CATSPERD: variants seen among roughly 807,000 people sequenced by gnomAD.
CATSPERD encodes cation channel sperm-associated auxiliary subunit delta.
Under a neutral mutation model 98.1 loss-of-function variants are expected in CATSPERD, and 86 were observed. The observed-to-expected ratio is 0.88, with a 90% confidence interval of 0.74 to 1.05. The LOEUF (loss-of-function observed/expected upper bound fraction) is 1.05. Ranked by LOEUF, CATSPERD falls within the 50% of genes least tolerant of loss-of-function variation. The probability of loss-of-function intolerance (pLI) is 0.00; values close to 1 mark genes in which losing one functional copy is unlikely to be tolerated. For synonymous variants in CATSPERD, 394 were observed against 390.2 expected (o/e 1.01, Z -0.12); for missense variants, 995 against 1,005.7 (o/e 0.99, Z 0.14).
intron 11 of CATSPERD, among the ~76,000 whole-genome samples, 165 bp from the exon 12 acceptor site, chr19:5,751,482 C>A (rs1355193696): frequency 2.5e-5 from 3 of 118,902 alleles, no homozygotes; most frequent in Non-Finnish European, 4.9e-5. Flanking sequence ...TGCAGTGAAC[C>A]GAGATGGCGC....
At chr19:5,772,753 TC>T in intron 19 of CATSPERD, 34 bp from the exon 20 acceptor site, 1 of 1,597,626 alleles carries the variant, frequency 6.3e-7, no homozygotes, top group South Asian at 1.1e-5. Context: ...TTGTCCCTGC[TC>T]CCTGCACAGC....
At chr19:5,774,195 T>C (rs1209392137) in intron 20 of CATSPERD, among the ~76,000 whole-genome samples, 2 of 151,618 alleles carry the variant, frequency 1.3e-5, no homozygotes, top group African/African-American at 2.4e-5. Context: ...CTTGAACTCC[T>C]GACCTTGTGA....
At chr19:5,742,286 G>T (rs1221677051) in intron 7 of CATSPERD, among the ~76,000 whole-genome samples, 1 of 125,968 alleles carries the variant, frequency 7.9e-6, no homozygotes, top group East Asian at 2.0e-4. Flanking sequence ...GTACGTGTGT[G>T]TGCGTGTGTA....
At chr19:5,769,022 T>C (rs865865009) in intron 18 of CATSPERD, among the ~76,000 whole-genome samples, 1 of 151,500 alleles carries the variant, frequency 6.6e-6, no homozygotes, top group African/African-American at 2.4e-5. Flanking sequence ...GGCATGGTGG[T>C]GGGCACCTGT....
At chr19:5,742,611 C>T (rs558764781) in intron 7 of CATSPERD, among the ~76,000 whole-genome samples, 1 of 151,672 alleles carries the variant, frequency 6.6e-6, no homozygotes, top group South Asian at 2.1e-4. Context: ...GTGAGACCCA[C>T]CCCCCACCAT....
Position 5,749,952 on chromosome 19 carries a change from T to C in CATSPERD, c.987+769T>C, listed in dbSNP as rs184688393. On this transcript the variant is annotated intron_variant, in intron 11 of 21. Transcript: ENST00000381624. ...CCGAGTAGCTGGGATTACAGGCGCA[T>C]GCCACCACACCAGGCTAAGTTTTGT... is the stretch of plus-strand genomic sequence containing the variant. Among the ~76,000 whole-genome samples, 1,044 of 151,186 alleles carry C rather than the reference T, an allele frequency of 6.9e-3. 8 individuals carry two copies. The highest frequency in any genetic ancestry group is 0.012 in the Non-Finnish European group (787 of 67,808).
At chr19:5,758,904 A>G (rs2056379051) in intron 14 of CATSPERD, among the ~76,000 whole-genome samples, 182 bp from the exon 15 acceptor site, 1 of 148,124 alleles carries the variant, frequency 6.8e-6, no homozygotes, top group Admixed American at 6.8e-5. Context: ...AGCCTGGGCA[A>G]CAGAGAGAGA....
intron 13 of CATSPERD, among the ~76,000 whole-genome samples, chr19:5,757,095 C>T (rs1486959096): frequency 6.6e-6 from 1 of 151,728 alleles, no homozygotes; most frequent in African/African-American, 2.4e-5. Context: ...GCTAAAAATA[C>T]AAAAATTAGC....
intron 20 of CATSPERD, among the ~76,000 whole-genome samples, chr19:5,773,920 G>C (rs1232411844): frequency 1.3e-5 from 2 of 151,282 alleles, no homozygotes; most frequent in African/African-American, 4.9e-5. Context: ...TGCAGTGCAT[G>C]CAGCAAAGCC....
intron 15 of CATSPERD, among the ~76,000 whole-genome samples, chr19:5,762,421 C>T (rs2056458567): frequency 6.6e-6 from 1 of 151,972 alleles, no homozygotes; most frequent in African/African-American, 2.4e-5. Flanking sequence ...ACAAGAACAC[C>T]AAGGGGGAAA....
At chr19:5,752,303 C>T (rs544983950) in intron 12 of CATSPERD, among the ~76,000 whole-genome samples, 18 of 151,148 alleles carry the variant, frequency 1.2e-4, no homozygotes, top group African/African-American at 4.1e-4. Context: ...AGCGAGACTT[C>T]GTCTCAAATA....
chr19:5,761,416 AATGG>A (rs550185518), intron 15 of CATSPERD, among the ~76,000 whole-genome samples: 10 of 19,814 alleles, frequency 5.0e-4, no homozygotes, highest in Non-Finnish European at 7.6e-4. Flanking sequence ...TTCAGAAATT[AATGG>A]ATGGATGGAT....
rs1343248094 is a variant in CATSPERD, at chr19:5,743,706, CTG to C, written c.574-719_574-718del. ...TTCCTCTCTCTCTCTCTCTCTCTCT[CTG>C]TCTCTGTCTCTGTCTCTGTCTCTGC... On this transcript the variant is annotated intron_variant, in intron 7 of 21. Coordinates refer to ENST00000381624, the MANE Select transcript of CATSPERD (RefSeq NM_152784.4). 2.9e-5 allele frequency among the ~76,000 whole-genome samples: 4 copies of C among 136,778 alleles called. No homozygotes were observed. The Admixed American group carries it at 3.0e-4, about 10-fold the overall frequency. The allele number at this position is 136,778 out of a possible 152,430, so 89.7% of individuals were successfully genotyped here.
At chr19:5,743,977 A>ATTTCT (rs1044404823) in intron 7 of CATSPERD, among the ~76,000 whole-genome samples, 1 of 151,848 alleles carries the variant, frequency 6.6e-6, no homozygotes, top group Admixed American at 6.6e-5. Context: ...CAAGTGTCAC[A>ATTTCT]TTTCTTTTCT....
chr19:5,769,314 A>AG (rs2056603339), intron 18 of CATSPERD, among the ~76,000 whole-genome samples: 2 of 132,936 alleles, frequency 1.5e-5, no homozygotes, highest in African/African-American at 6.0e-5. Context: ...AAAAAAAAAA[A>AG]GAGGGTGGTG....
chr19:5,720,852 CGGG>C lies in CATSPERD; in HGVS notation c.71+45_71+47del, dbSNP rs780624990. ...CTGGGGCTGGGGTGCTGCCGGGGGT[CGGG>C]AGGGTGCTGGTTCATCTTGGAGCCG... On this transcript the variant is annotated intron_variant, in intron 1 of 21. Coordinates refer to ENST00000381624, the MANE Select transcript of CATSPERD (RefSeq NM_152784.4). 2.0e-6 allele frequency: 3 copies of C among 1,528,838 alleles called. No homozygotes were observed. In the African/African-American group the frequency reaches 4.1e-5, roughly 21 times the overall value. 94.7% of individuals were successfully genotyped at this position (1,528,838 alleles called of 1,614,324 possible).
At chr19:5,731,559 A>ATTTTTTT (rs1568342216) in intron 4 of CATSPERD, among the ~76,000 whole-genome samples, 28 of 78,528 alleles carry the variant, frequency 3.6e-4, no homozygotes, top group Admixed American at 4.7e-4. Flanking sequence ...GACACTTAAC[A>ATTTTTTT]GTTTTTTTTT....
intron 13 of CATSPERD, among the ~76,000 whole-genome samples, chr19:5,757,469 G>T (rs1351305487): frequency 1.3e-5 from 2 of 151,086 alleles, no homozygotes; most frequent in East Asian, 4.0e-4. Flanking sequence ...GGCTAATTTT[G>T]TATTTTTAGT....
chr19:5,769,800 C>T (rs895319513), intron 18 of CATSPERD, among the ~76,000 whole-genome samples: 9 of 151,968 alleles, frequency 5.9e-5, no homozygotes, highest in Admixed American at 2.6e-4. Context: ...AAAGTAATTA[C>T]GGTTTTGGCC....
Sources: allele counts gnomAD v4.1 joint callset (sites outside exome capture counted in the v4.1 genomes callset), GRCh38; gene constraint gnomAD v4.1.1; transcripts MANE v1.5; gene names NCBI Gene and HGNC (gene_info 2026-07-23, HGNC 2026-07-21).